The following SYNE3 variants were observed in gnomAD, a reference collection of about 807,000 sequenced individuals.
SYNE3 encodes the protein nesprin-3.
Under a neutral mutation model 111.2 loss-of-function variants are expected in SYNE3, and 100 were observed. That is an observed-to-expected ratio of 0.90 (90% CI 0.77 to 1.06). The LOEUF is 1.06. Among genes scored for constraint, SYNE3 ranks in the 50% least tolerant of loss-of-function variants. The pLI is 0.00. For synonymous variants in SYNE3, 547 were observed against 533.9 expected, an observed-to-expected ratio of 1.02 and a Z score of -0.34; for missense variants, 1,160 against 1,240.3, an observed-to-expected ratio of 0.94 and a Z score of 0.97.
chr14:95,430,284 C>G (rs1373987454), intron 17 of SYNE3, among the ~76,000 whole-genome samples: 1 of 152,124 alleles, frequency 6.6e-6, no homozygotes, highest in Non-Finnish European at 1.5e-5. Context: ...AGTGCAGGAG[C>G]TAGAGTCGGT....
rs905377452 is a variant in SYNE3, at chr14:95,408,941, G to A, written c.*8885C>T. 7.9e-5 allele frequency: 28 copies of A among 355,232 alleles called. No individual in the cohort carries two copies. Among genetic ancestry groups the A allele is most frequent in the Non-Finnish European group, 9.5e-5 (17 of 179,196 alleles). The allele number at this position is 355,232 out of a possible 1,614,324, so 22.0% of individuals were successfully genotyped here. A position where few individuals can be genotyped will look rare whatever the true frequency, so the allele number is the denominator to read the frequency against. ...AGACAGACAGTGGGTACCTGCTCCCGTCCCCTGGGACCTCATCCTGGTGTT... is the reference window on the plus strand; with the variant it reads ...AGACAGACAGTGGGTACCTGCTCCCATCCCCTGGGACCTCATCCTGGTGTT... On this transcript the variant is annotated 3_prime_UTR_variant, in exon 18 of 18. Coordinates refer to ENST00000682763, the MANE Select transcript of SYNE3 (RefSeq NM_152592.6).
In SYNE3 at chr14:95,413,772, C is replaced by T. The variant is rs541596414; in HGVS notation, c.*4054G>A. The T allele has an allele frequency of 6.6e-6, 1 of 152,316 alleles. No homozygotes were observed. Among genetic ancestry groups the T allele is most frequent in the East Asian group, 1.9e-4 (1 of 5,176 alleles). 9.4% of individuals were successfully genotyped at this position (152,316 alleles called of 1,614,324 possible). A position where few individuals can be genotyped will look rare whatever the true frequency, so the allele number is the denominator to read the frequency against. ...CGGGGCCTGAGAGATGGAATTGGGT[C>T]AGGTCATCCTTGACCCATTTCCTCT... On this transcript the variant is annotated 3_prime_UTR_variant, in exon 18 of 18. Transcript: ENST00000682763.
chr14:95,493,592 GA>G (rs1416573946), intron 1 of SYNE3, among the ~76,000 whole-genome samples: 10 of 152,180 alleles, frequency 6.6e-5, no homozygotes, highest in East Asian at 1.9e-4. Flanking sequence ...AGAACAAACA[GA>G]AAAAAACTCT....
At position 95,455,511 on chromosome 14, in the gene SYNE3, G is replaced by A; in HGVS notation, c.1003C>T (p.Gln335Ter). The A allele has an allele frequency of 6.2e-7, 1 of 1,613,784 alleles. No homozygotes were observed. ...TCAGCCTCCAGCTGCTTAATCTGCT[G>A]CTCCCAGGCTCCCCTGGACCGGAGC... ...GLLRSRGAWE[Q>*]QIKQLEAELS... The change falls in exon 6 of 18, where the codon CAG becomes TAG. Residue 335 changes from glutamine to a stop codon, truncating the protein, a stop_gained. Transcript: ENST00000682763. LOFTEE classifies it high-confidence loss of function.
chr14:95,466,697 C>A (rs148461141), intron 3 of SYNE3, among the ~76,000 whole-genome samples: 1 of 152,196 alleles, frequency 6.6e-6, no homozygotes, highest in African/African-American at 2.4e-5. Flanking sequence ...GAGCAGACTG[C>A]GGTTGGGATG....
intron 9 of SYNE3, among the ~76,000 whole-genome samples, chr14:95,445,517 T>C (rs1235635242): frequency 6.6e-6 from 1 of 152,248 alleles, no homozygotes; most frequent in Admixed American, 6.5e-5. Context: ...ATTGATGTAG[T>C]GTAGTCATTT....
rs1438951724 is a variant in SYNE3 at position 95,455,704 on chromosome 14, G to A, written c.810C>T (p.Pro270=). The A allele has an allele frequency of 4.3e-6, 7 of 1,613,938 alleles. No homozygotes were observed. Among genetic ancestry groups the A allele is most frequent in the Admixed American group, 1.7e-5 (1 of 59,994 alleles). Residue 270 remains proline, a synonymous_variant, in exon 6 of 18, where the codon CCC becomes CCT. Coordinates refer to ENST00000682763, the MANE Select transcript of SYNE3 (RefSeq NM_152592.6). ...GCGTCTCCAGAGACTCCTCGCCCCT[G>A]GGAAAATCTTTGGCAATGTCCTGAA... ...STLQDIAKDF[P]RGEESLETLE... is the part of the protein sequence containing the mutation.
rs1329168617 is a variant in SYNE3 at position 95,500,971 on chromosome 14, A to C, written c.-15+15625T>G. The stretch of plus-strand genomic sequence containing the variant: ...AATATTTTCTCTCTCCTCTCAGACA[A>C]TACTGGCTTTAATGAATTTCTCTAA... On this transcript the variant is annotated intron_variant, in intron 1 of 17. Transcript: ENST00000682763. This position sits in a 1 kb window ranked among gnomAD's most constrained non-coding sequence, Gnocchi z 4.7. Among the ~76,000 whole-genome samples, 1 of 152,214 alleles carries C rather than the reference A, an allele frequency of 6.6e-6. No individual in the cohort carries two copies. Among genetic ancestry groups the C allele is most frequent in the Non-Finnish European group, 1.5e-5 (1 of 68,024 alleles).
chr14:95,513,945 T>C (rs949085356), intron 1 of SYNE3, among the ~76,000 whole-genome samples: 3 of 151,898 alleles, frequency 2.0e-5, no homozygotes, highest in Non-Finnish European at 4.4e-5. Context: ...GTTCTAATCC[T>C]GGCTGTACCA....
At chr14:95,490,033 A>G (rs758163347) in intron 1 of SYNE3, among the ~76,000 whole-genome samples, 1 of 152,196 alleles carries the variant, frequency 6.6e-6, no homozygotes, top group Admixed American at 6.5e-5. Flanking sequence ...GTCAGAGTGG[A>G]GCAATAGTTC....
chr14:95,454,068 C>T (rs188666687), intron 6 of SYNE3, among the ~76,000 whole-genome samples: 2 of 152,272 alleles, frequency 1.3e-5, no homozygotes, highest in Non-Finnish European at 2.9e-5. Context: ...TGACTTCAAC[C>T]TTTGCTGCAA....
intron 1 of SYNE3, among the ~76,000 whole-genome samples, chr14:95,504,836 GAAAAA>G (rs549626246): frequency 6.6e-6 from 1 of 151,750 alleles, no homozygotes; most frequent in Non-Finnish European, 1.5e-5. Flanking sequence ...AAAGAAAAAA[GAAAAA>G]AGAAAAAAGA....
chr14:95,443,514 C>A, intron 10 of SYNE3: 1 of 477,802 alleles, frequency 2.1e-6, no homozygotes, highest in East Asian at 3.3e-5. Context: ...TTCTGGGACA[C>A]CATGAAAATA....
At chr14:95,440,226 C>A in intron 11 of SYNE3, 151 bp from the exon 12 acceptor site, 1 of 808,024 alleles carries the variant, frequency 1.2e-6, no homozygotes, top group Non-Finnish European at 1.9e-6. Flanking sequence ...CTGGCCCTTC[C>A]CTCCACACAG....
At chr14:95,445,407 T>G (rs143908441) in intron 9 of SYNE3, among the ~76,000 whole-genome samples, 1 of 152,208 alleles carries the variant, frequency 6.6e-6, no homozygotes, top group East Asian at 1.9e-4. Context: ...CCATAGCCAG[T>G]GCCCCATAGA....
intron 1 of SYNE3, among the ~76,000 whole-genome samples, chr14:95,499,766 G>A (rs1312979922): frequency 3.3e-5 from 5 of 151,274 alleles, no homozygotes. Context: ...GCAGAGCCCA[G>A]GCTGTTTTAA....
At chr14:95,507,373 C>G (rs914091054) in intron 1 of SYNE3, among the ~76,000 whole-genome samples, 1 of 152,310 alleles carries the variant, frequency 6.6e-6, no homozygotes, top group Admixed American at 6.5e-5. Context: ...AGATCCCAGC[C>G]GCAAACACGT....
chr14:95,505,568 G>A (rs1178620054), intron 1 of SYNE3, among the ~76,000 whole-genome samples: 1 of 152,148 alleles, frequency 6.6e-6, no homozygotes, highest in East Asian at 1.9e-4. Context: ...TATCTGCCAT[G>A]CAGACACATC....
At chr14:95,418,060 G>A in intron 17 of SYNE3, 34 bp from the exon 18 acceptor site, 3 of 1,600,212 alleles carry the variant, frequency 1.9e-6, no homozygotes, top group Non-Finnish European at 2.5e-6. Context: ...TGAGTGGGCT[G>A]GGGGGCTCTG....
Sources: gnomAD v4.1 joint callset for allele counts (sites outside exome capture counted in the v4.1 genomes callset) on GRCh38, gnomAD v4.1.1 for gene constraint, Gnocchi (gnomAD v3.1) non-coding constraint, MANE v1.5 for transcripts, NCBI Gene and HGNC (gene_info 2026-07-23, HGNC 2026-07-21) for gene names.